The following NRXN1 variants were observed in gnomAD, a reference collection of about 807,000 sequenced individuals.
The protein encoded by NRXN1 is neurexin-1.
Under a neutral mutation model 150.9 loss-of-function variants are expected in NRXN1, and 39 were observed. That is an observed-to-expected ratio of 0.26 (90% CI 0.20 to 0.34). NRXN1 has a LOEUF of 0.34. Ranked by LOEUF, NRXN1 falls within the 10% of genes least tolerant of loss-of-function variation. The pLI is 1.00. For missense variants in NRXN1, 1,815 were observed against 1,949.9 expected (o/e 0.93, Z 1.30); for synonymous variants, 924 against 757.0 (o/e 1.22, Z -3.62).
At chr2:51,012,566 T>TTTTG (rs1236341424) in intron 2 of NRXN1, among the ~76,000 whole-genome samples, 2 of 152,062 alleles carry the variant, frequency 1.3e-5, no homozygotes, top group Non-Finnish European at 2.9e-5. Context: ...GCCTGAATTG[T>TTTTG]TTAGACTTGT....
intron 18 of NRXN1, among the ~76,000 whole-genome samples, chr2:50,169,845 C>T (rs1435477043): frequency 6.6e-6 from 1 of 151,360 alleles, no homozygotes; most frequent in Non-Finnish European, 1.5e-5. Context: ...AAAAAACAAA[C>T]TTACATTGTG....
chr2:50,328,957 C>G (rs539806065), intron 17 of NRXN1, among the ~76,000 whole-genome samples: 5 of 152,150 alleles, frequency 3.3e-5, no homozygotes, highest in African/African-American at 7.2e-5. Flanking sequence ...CTCAATACCC[C>G]CTGCCTGTGG....
Position 50,139,920 on chromosome 2 carries a change from T to C in NRXN1, c.3547-48426A>G, listed in dbSNP as rs7568006. The stretch of plus-strand genomic sequence containing the variant: ...TAAAATATATCAAATATTTCAAATA[T>C]AACAAAATATTTAATCAAAGCAAAA... On this transcript the variant is annotated intron_variant, in intron 18 of 22. Transcript: ENST00000401669. Among the ~76,000 whole-genome samples, 4 of 152,226 alleles carry C rather than the reference T, an allele frequency of 2.6e-5. No individual in the cohort carries two copies. In the East Asian group the frequency reaches 7.7e-4, roughly 29 times the overall value.
rs190377845 is a variant in NRXN1 at position 50,538,563 on chromosome 2, A to G, written c.1833T>C (p.Asp611=). ...PGESEILDLD[D]ELYLGGLPEN... ...CTGGCAGCCCCCCCAGGTACAACTCATCATCCAGGTCCAGAATCTCACTCT... is the reference window on the plus strand; with the variant it reads ...CTGGCAGCCCCCCCAGGTACAACTCGTCATCCAGGTCCAGAATCTCACTCT... Residue 611 remains aspartate, a synonymous_variant, in exon 10 of 23, where the codon GAT becomes GAC. Coordinates refer to ENST00000401669, the MANE Select transcript of NRXN1 (RefSeq NM_001330078.2). The G allele has an allele frequency of 4.5e-5, 70 of 1,570,618 alleles. No individual in the cohort carries two copies. In the East Asian group the frequency reaches 1.5e-3, roughly 33 times the overall value.
chr2:51,022,531 A>G (rs1669782350), intron 2 of NRXN1, among the ~76,000 whole-genome samples: 1 of 152,166 alleles, frequency 6.6e-6, no homozygotes, highest in Non-Finnish European at 1.5e-5. Context: ...AAACTTTTTA[A>G]TAAACAGATG....
chr2:50,808,870 A>G (rs967008277), intron 5 of NRXN1, among the ~76,000 whole-genome samples: 1 of 152,132 alleles, frequency 6.6e-6, no homozygotes, highest in African/African-American at 2.4e-5. Context: ...GACTTACTAA[A>G]CAATTAGGCA....
intron 2 of NRXN1, among the ~76,000 whole-genome samples, chr2:50,940,919 G>A (rs1689340607): frequency 6.6e-6 from 1 of 152,164 alleles, no homozygotes; most frequent in African/African-American, 2.4e-5. Flanking sequence ...CTGAGATAGA[G>A]ATGTATTGCT....
At chr2:50,594,540 G>C (rs958733873) in intron 8 of NRXN1, among the ~76,000 whole-genome samples, 1 of 152,114 alleles carries the variant, frequency 6.6e-6, no homozygotes, top group Non-Finnish European at 1.5e-5. Context: ...ATGATAACGT[G>C]TGCTAGGCTA....
rs973477294 is a variant in NRXN1, at chr2:49,921,876, A to G, written c.*68T>C. On this transcript the variant is annotated 3_prime_UTR_variant, in exon 23 of 23. Transcript: ENST00000401669. ...GTGCTTCATAAAAAGGAAAGTAAAT[A>G]AGTTTATATTATGTCTCAGATAAAA... The G allele has an allele frequency of 6.7e-7, 1 of 1,488,068 alleles. No individual in the cohort carries two copies. Among genetic ancestry groups the G allele is most frequent in the Admixed American group, 1.8e-5 (1 of 55,776 alleles). The allele number at this position is 1,488,068 out of a possible 1,614,324, so 92.2% of individuals were successfully genotyped here.
chr2:50,991,464 T>A (rs1698530154), intron 2 of NRXN1, among the ~76,000 whole-genome samples: 2 of 152,040 alleles, frequency 1.3e-5, no homozygotes, highest in African/African-American at 4.8e-5. Flanking sequence ...TAGTATATAA[T>A]CCTGATAATC....
In NRXN1 at chr2:50,538,551, C is replaced by G. The variant is rs367664516; in HGVS notation, c.1845G>C (p.Leu615=). 2 of 1,580,762 alleles carry G rather than the reference C, an allele frequency of 1.3e-6. No individual in the cohort carries two copies. The highest frequency in any genetic ancestry group is 1.7e-5 in the Admixed American group (1 of 58,124). ...CAGCTTTATTTTCTGGCAGCCCCCC[C>G]AGGTACAACTCATCATCCAGGTCCA... ...EILDLDDELY[L]GGLPENKAGL... The change falls in exon 10 of 23, where the codon CTG becomes CTC. Residue 615 remains leucine, a synonymous_variant. Transcript: ENST00000401669.
chr2:50,933,389 T>C (rs1688058777), intron 2 of NRXN1, among the ~76,000 whole-genome samples: 1 of 152,140 alleles, frequency 6.6e-6, no homozygotes, highest in Non-Finnish European at 1.5e-5. Context: ...GTAAAAAATA[T>C]TACTTTCATT....
At chr2:50,471,623 T>C (rs902312893) in intron 16 of NRXN1, among the ~76,000 whole-genome samples, 1 of 151,824 alleles carries the variant, frequency 6.6e-6, no homozygotes, top group African/African-American at 2.4e-5. Flanking sequence ...CACAAACTAA[T>C]GCAGGAACAG....
At chr2:50,492,022 G>C (rs1187355202) in intron 15 of NRXN1, among the ~76,000 whole-genome samples, 1 of 152,092 alleles carries the variant, frequency 6.6e-6, no homozygotes, top group Admixed American at 6.5e-5. Flanking sequence ...ATAAATATTA[G>C]CTCCCTCCCA....
intron 5 of NRXN1, among the ~76,000 whole-genome samples, chr2:50,705,103 A>G (rs1694256811): frequency 6.6e-6 from 1 of 151,624 alleles, no homozygotes; most frequent in Non-Finnish European, 1.5e-5. Flanking sequence ...GCCGATTTCT[A>G]GCATAAATCT....
intron 18 of NRXN1, among the ~76,000 whole-genome samples, chr2:50,187,477 C>A (rs1300933300): frequency 6.6e-6 from 1 of 151,900 alleles, no homozygotes; most frequent in Non-Finnish European, 1.5e-5. Context: ...TATGCAAATG[C>A]CTTTTTCTTT....
chr2:50,506,472 G>C, intron 13 of NRXN1, 23 bp downstream of exon 13: 1 of 1,601,698 alleles, frequency 6.2e-7, no homozygotes, highest in East Asian at 2.2e-5. Context: ...CATAGGAAAA[G>C]ACAATGGGAC....
chr2:50,611,775 A>C (rs1412522366), intron 8 of NRXN1, among the ~76,000 whole-genome samples: 1 of 152,200 alleles, frequency 6.6e-6, no homozygotes, highest in Non-Finnish European at 1.5e-5. Context: ...AAAAGTGTGC[A>C]GGCTGCCAGA....
At chr2:50,400,369 G>A (rs2082316443) in intron 17 of NRXN1, among the ~76,000 whole-genome samples, 1 of 151,968 alleles carries the variant, frequency 6.6e-6, no homozygotes, top group Non-Finnish European at 1.5e-5. Flanking sequence ...TATTCAAATT[G>A]TTTAGAACTC....
Sources: gnomAD v4.1 joint callset for allele counts (sites outside exome capture counted in the v4.1 genomes callset) on GRCh38, gnomAD v4.1.1 for gene constraint, MANE v1.5 for transcripts, NCBI Gene and HGNC (gene_info 2026-07-23, HGNC 2026-07-21) for gene names.